Variants in RTRAF observed in about 807,000 individuals in gnomAD.
RTRAF encodes RNA transcription, translation and transport factor.
RTRAF carries 14 observed loss-of-function variants against 34.4 expected under a neutral mutation model. The observed-to-expected ratio is 0.41, with a 90% CI of 0.27 to 0.64. The LOEUF (loss-of-function observed/expected upper bound fraction) is 0.64, where lower values mean the gene tolerates loss of function less well. RTRAF is among the 30% of genes least tolerant of loss of function. The pLI is 0.34. For synonymous variants in RTRAF, 96 were observed against 95.3 expected (o/e 1.01, Z -0.04); for missense variants, 291 against 288.4 (o/e 1.01, Z -0.06).
chr14:51,991,328 T>C lies in RTRAF; in HGVS notation c.73T>C (p.Phe25Leu). 2 of 1,613,186 alleles carry C rather than the reference T, an allele frequency of 1.2e-6. No individual in the cohort carries two copies. The highest frequency in any genetic ancestry group is 1.7e-6 in the Non-Finnish European group (2 of 1,179,406). ...AGFNCKDETE[F>L]RNFIVWLEDQ... is the part of the protein sequence containing the mutation. ...ATTTTTTATTGCAGATGAAACAGAA[T>C]TTAGAAACTTCATCGTTTGGCTTGA... The change falls in exon 2 of 8, where the codon TTT becomes CTT. Residue 25 changes from phenylalanine (F) to leucine (L), a missense_variant. Physicochemically the swap from Phe to Leu is conservative, Grantham distance 22 (BLOSUM62 0). Coordinates refer to ENST00000261700, the MANE Select transcript of RTRAF (RefSeq NM_016039.3).
rs1890928528 is a variant in RTRAF, at chr14:52,009,578, A to C, written c.*5062A>C. The C allele has an allele frequency of 6.6e-6, 1 of 152,152 alleles. No individual in the cohort carries two copies. 9.4% of individuals were successfully genotyped at this position (152,152 alleles called of 1,614,324 possible). A position where few individuals can be genotyped will look rare whatever the true frequency, so the allele number is the denominator to read the frequency against. On this transcript the variant is annotated 3_prime_UTR_variant, in exon 8 of 8. Transcript: ENST00000261700. ...TAAGAAAGTTCTACTTTCATATTTAAACTCATGGCTGTGATGTGGATTTCA... is the reference window on the plus strand; with the variant it reads ...TAAGAAAGTTCTACTTTCATATTTACACTCATGGCTGTGATGTGGATTTCA...
At chr14:52,004,154 TAACCATA>T (rs1890662095) in intron 6 of RTRAF, 33 bp from the exon 7 acceptor site, 2 of 1,553,016 alleles carry the variant, frequency 1.3e-6, no homozygotes, top group Non-Finnish European at 8.9e-7. Flanking sequence ...ATGCTATTCT[TAACCATA>T]AATACTCTCA....
In RTRAF at chr14:52,007,324, G is replaced by A. The variant is rs1890824244; in HGVS notation, c.*2808G>A. The A allele has an allele frequency of 6.1e-6, 1 of 163,890 alleles. No individual in the cohort carries two copies. Among genetic ancestry groups the A allele is most frequent in the African/African-American group, 2.4e-5 (1 of 41,462 alleles). The allele number at this position is 163,890 out of a possible 1,614,324, so 10.2% of individuals were successfully genotyped here. On this transcript the variant is annotated 3_prime_UTR_variant, in exon 8 of 8. Coordinates refer to ENST00000261700, the MANE Select transcript of RTRAF (RefSeq NM_016039.3). ...AGAACAGTCTTTTTCATATTCTTTA[G>A]TATAGAACTAGACACACAGCATTTT... is the stretch of plus-strand genomic sequence containing the variant.
chr14:52,006,526 G>T lies in RTRAF; in HGVS notation c.*2010G>T, dbSNP rs2140338128. On this transcript the variant is annotated 3_prime_UTR_variant, in exon 8 of 8. Coordinates refer to ENST00000261700, the MANE Select transcript of RTRAF (RefSeq NM_016039.3). ...GCCTTTTCAGGCTTGTCCAGAATTT[G>T]TGGGGCTCACCTCCTCCAGTCTGTG... 1 of 1,613,234 alleles carries T rather than the reference G, an allele frequency of 6.2e-7. No individual in the cohort carries two copies. Among genetic ancestry groups the T allele is most frequent in the East Asian group, 2.2e-5 (1 of 44,866 alleles).
At position 52,006,775 on chromosome 14, in the gene RTRAF, A is replaced by G; in HGVS notation, c.*2259A>G. On this transcript the variant is annotated 3_prime_UTR_variant, in exon 8 of 8. Transcript: ENST00000261700. ...GGAAATAGGATATTTTACTTCCATTACAGTCATAGATTAGCAACTGTAAAA... is the reference window on the plus strand; with the variant it reads ...GGAAATAGGATATTTTACTTCCATTGCAGTCATAGATTAGCAACTGTAAAA... 1 of 1,148,902 alleles carries G rather than the reference A, an allele frequency of 8.7e-7. No homozygotes were observed. The highest frequency in any genetic ancestry group is 1.5e-5 in the African/African-American group (1 of 65,030). The allele number at this position is 1,148,902 out of a possible 1,614,324, so 71.2% of individuals were successfully genotyped here.
At position 52,004,255 on chromosome 14, in the gene RTRAF, G is replaced by GAA; in HGVS notation, c.580+13_580+14insAA. The GAA allele has an allele frequency of 6.2e-7, 1 of 1,612,750 alleles. No homozygotes were observed. The highest frequency in any genetic ancestry group is 8.5e-7 in the Non-Finnish European group (1 of 1,179,254). Reference sequence around the variant, plus strand: ...TTTGACACAGGAGGTAAGTGATTTTGTTTAAATTCAAACTATTTTTTTTAC... The same window carrying GAA: ...TTTGACACAGGAGGTAAGTGATTTTGAATTTAAATTCAAACTATTTTTTTTAC... On this transcript the variant is annotated intron_variant, in intron 7 of 7. Coordinates refer to ENST00000261700, the MANE Select transcript of RTRAF (RefSeq NM_016039.3).
chr14:51,993,409 A>T (rs1292809994), intron 2 of RTRAF, among the ~76,000 whole-genome samples: 3 of 152,150 alleles, frequency 2.0e-5, no homozygotes. Flanking sequence ...CTCTATGTGT[A>T]TTGAGACTAG....
chr14:51,995,469 G>A (rs747466810), intron 3 of RTRAF, among the ~76,000 whole-genome samples: 5 of 151,932 alleles, frequency 3.3e-5, no homozygotes, highest in Non-Finnish European at 7.4e-5. Context: ...GGATAATCCA[G>A]GATAATCCCC....
chr14:52,006,744 G>A lies in RTRAF; in HGVS notation c.*2228G>A. ...ACATAGTGATAGTGACACAGTGATA[G>A]AATGGGGAAATAGGATATTTTACTT... is the stretch of plus-strand genomic sequence containing the variant. On this transcript the variant is annotated 3_prime_UTR_variant, in exon 8 of 8. Transcript: ENST00000261700. The A allele has an allele frequency of 7.0e-7, 1 of 1,430,928 alleles. No individual in the cohort carries two copies. Among genetic ancestry groups the A allele is most frequent in the Non-Finnish European group, 9.7e-7 (1 of 1,029,618 alleles). The allele number at this position is 1,430,928 out of a possible 1,614,324, so 88.6% of individuals were successfully genotyped here. A position where few individuals can be genotyped will look rare whatever the true frequency, so the allele number is the denominator to read the frequency against.
In RTRAF at chr14:52,007,990, G is replaced by A. The variant is rs751657006; in HGVS notation, c.*3474G>A. 35 of 1,588,368 alleles carry A rather than the reference G, an allele frequency of 2.2e-5. No homozygotes were observed. In the South Asian group the frequency reaches 3.6e-4, roughly 16 times the overall value. ...TTGCTGTAAGTTAAAAATCAAGATT[G>A]TAAAAGAATAGCCATGTAGCCTGTG... On this transcript the variant is annotated 3_prime_UTR_variant, in exon 8 of 8. Transcript: ENST00000261700.
Position 51,991,335 on chromosome 14 carries a change from A to T in RTRAF, c.80A>T (p.Asn27Ile), listed in dbSNP as rs138646269. Residue 27 changes from asparagine to isoleucine, a missense_variant, in exon 2 of 8, where the codon AAC becomes ATC. Physicochemically the swap from Asn to Ile is moderately radical, Grantham distance 149. Coordinates refer to ENST00000261700, the MANE Select transcript of RTRAF (RefSeq NM_016039.3). ...ATTGCAGATGAAACAGAATTTAGAA[A>T]CTTCATCGTTTGGCTTGAAGACCAG... ...FNCKDETEFR[N>I]FIVWLEDQKI... 3.1e-5 allele frequency: 50 copies of T among 1,613,294 alleles called. No individual in the cohort carries two copies. In the African/African-American group the frequency reaches 6.1e-4, roughly 20 times the overall value.
At chr14:51,991,535 A>G in intron 2 of RTRAF, 94 bp downstream of exon 2, 1 of 1,398,278 alleles carries the variant, frequency 7.2e-7, no homozygotes, top group Non-Finnish European at 9.8e-7. Context: ...TAAGAAAAAA[A>G]TGATAATGAT....
At chr14:51,995,313 T>C (rs2140328117) in intron 3 of RTRAF, among the ~76,000 whole-genome samples, 1 of 152,258 alleles carries the variant, frequency 6.6e-6, no homozygotes, top group South Asian at 2.1e-4. Context: ...TTTCCTTTTT[T>C]AACTTCTAGA....
Position 52,004,441 on chromosome 14 carries a change from C to T in RTRAF, c.660C>T (p.Asn220=), listed in dbSNP as rs368471889. Residue 220 remains asparagine (N), a synonymous_variant, in exon 8 of 8, where the codon AAC becomes AAT. Transcript: ENST00000261700. ...EELRELQTKI[N]EAIVAVQAII... ...TCAGAGAGCTACAGACAAAAATCAA[C>T]GAAGCCATAGTAGCTGTTCAGGCAA... 32 of 1,613,814 alleles carry T rather than the reference C, an allele frequency of 2.0e-5. No individual in the cohort carries two copies. Among genetic ancestry groups the T allele is most frequent in the East Asian group, 2.2e-5 (1 of 44,878 alleles).
intron 3 of RTRAF, among the ~76,000 whole-genome samples, chr14:51,995,035 C>T (rs989462483): frequency 6.6e-6 from 1 of 151,878 alleles, no homozygotes. Flanking sequence ...TAGCTTTTAA[C>T]CCTATACATT....
chr14:51,992,228 G>T (rs138093954), intron 2 of RTRAF, among the ~76,000 whole-genome samples: 1 of 152,258 alleles, frequency 6.6e-6, no homozygotes, highest in African/African-American at 2.4e-5. Flanking sequence ...TGCTTTTAGT[G>T]TCATTTCTTA....
At chr14:51,999,851 T>G (rs1890574630) in intron 5 of RTRAF, 55 bp downstream of exon 5, 2 of 1,260,758 alleles carry the variant, frequency 1.6e-6, no homozygotes, top group Admixed American at 1.9e-5. Flanking sequence ...AAAAATGTCT[T>G]TATTTTCTAA....
At chr14:52,000,526 T>C (rs1890584730) in intron 5 of RTRAF, among the ~76,000 whole-genome samples, 1 of 152,166 alleles carries the variant, frequency 6.6e-6, no homozygotes, top group Non-Finnish European at 1.5e-5. Context: ...CTAGACCTTG[T>C]GCATGTAAAC....
chr14:52,004,597 C>A lies in RTRAF; in HGVS notation c.*81C>A. On this transcript the variant is annotated 3_prime_UTR_variant, in exon 8 of 8. Coordinates refer to ENST00000261700, the MANE Select transcript of RTRAF (RefSeq NM_016039.3). The stretch of plus-strand genomic sequence containing the variant: ...CTGGCATGTTTGGAAATCAAAATGT[C>A]ACATTCTCGGGGGAGGAAGCCCAGA... 7.2e-7 allele frequency: 1 copy of A among 1,384,346 alleles called. No homozygotes were observed. The allele number at this position is 1,384,346 out of a possible 1,614,324, so 85.8% of individuals were successfully genotyped here.
Sources: allele counts gnomAD v4.1 joint callset (sites outside exome capture counted in the v4.1 genomes callset), GRCh38; gene constraint gnomAD v4.1.1; transcripts MANE v1.5; gene names NCBI Gene and HGNC (gene_info 2026-07-23, HGNC 2026-07-21).